RNF220: variants seen among roughly 807,000 people sequenced by gnomAD.
The protein encoded by RNF220 is ring finger protein 220.
A neutral mutation model predicts 67.1 loss-of-function variants in RNF220; 7 were observed. That is an observed-to-expected ratio of 0.10 (90% CI 0.06 to 0.20). The LOEUF (loss-of-function observed/expected upper bound fraction) is 0.20, where lower values mean the gene tolerates loss of function less well. Ranked by LOEUF, RNF220 falls within the 10% of genes least tolerant of loss-of-function variation. The probability of loss-of-function intolerance (pLI) is 1.00; values close to 1 mark genes in which losing one functional copy is unlikely to be tolerated. For synonymous variants in RNF220, 270 were observed against 283.2 expected (o/e 0.95, Z 0.47); for missense variants, 565 against 740.3 (o/e 0.76, Z 2.75).
chr1:44,587,649 C>T lies in RNF220; in HGVS notation c.626-26516C>T, dbSNP rs547082967. 3.3e-5 allele frequency among the ~76,000 whole-genome samples: 5 copies of T among 152,248 alleles called. No individual in the cohort carries two copies. The South Asian group carries it at 1.0e-3, about 32-fold the overall frequency. ...TCTCTGGTGGTATTAGTTTCCCTGGCCAACAGACAGGCATCAGGGTTCTCT... is the reference window on the plus strand; with the variant it reads ...TCTCTGGTGGTATTAGTTTCCCTGGTCAACAGACAGGCATCAGGGTTCTCT... On this transcript the variant is annotated intron_variant, in intron 2 of 14. Coordinates refer to ENST00000361799, the MANE Select transcript of RNF220 (RefSeq NM_018150.4).
chr1:44,506,621 G>A (rs1658452935), intron 2 of RNF220, among the ~76,000 whole-genome samples: 1 of 152,236 alleles, frequency 6.6e-6, no homozygotes, highest in African/African-American at 2.4e-5. Flanking sequence ...CTTCCCTGTA[G>A]CAGAAAGCAG....
At chr1:44,501,931 C>CT (rs1371258931) in intron 2 of RNF220, among the ~76,000 whole-genome samples, 4 of 152,074 alleles carry the variant, frequency 2.6e-5, no homozygotes, top group African/African-American at 9.7e-5. Flanking sequence ...ACTGCTTTCT[C>CT]AATGTTGGGA....
intron 2 of RNF220, among the ~76,000 whole-genome samples, chr1:44,591,558 C>G (rs1666115151): frequency 6.6e-6 from 1 of 152,202 alleles, no homozygotes; most frequent in Non-Finnish European, 1.5e-5. Flanking sequence ...TTGTGCTGGG[C>G]CAGTCCCTGG....
intron 2 of RNF220, among the ~76,000 whole-genome samples, chr1:44,552,979 G>A (rs1278111169): frequency 1.3e-5 from 2 of 152,152 alleles, no homozygotes; most frequent in Non-Finnish European, 2.9e-5. Flanking sequence ...CAGCCGTGCT[G>A]AGTTACTTTC....
At chr1:44,406,333 ACTC>A (rs1393580906) in intron 1 of RNF220, among the ~76,000 whole-genome samples, 1 of 151,452 alleles carries the variant, frequency 6.6e-6, no homozygotes, top group African/African-American at 2.4e-5. Context: ...TAAACTCCCC[ACTC>A]CTCTGGGCTG....
chr1:44,458,859 A>C (rs1017875992), intron 2 of RNF220, among the ~76,000 whole-genome samples: 1 of 152,244 alleles, frequency 6.6e-6, no homozygotes, highest in African/African-American at 2.4e-5. Context: ...CATTCAGAGC[A>C]CTGTGTCCAT....
chr1:44,588,604 T>C (rs1665881383), intron 2 of RNF220, among the ~76,000 whole-genome samples: 1 of 149,748 alleles, frequency 6.7e-6, no homozygotes, highest in Non-Finnish European at 1.5e-5. Context: ...CAAATCCAAA[T>C]AGATATAATT....
intron 2 of RNF220, among the ~76,000 whole-genome samples, chr1:44,424,631 A>T (rs554807856): frequency 3.1e-4 from 47 of 152,208 alleles, no homozygotes; most frequent in Admixed American, 1.3e-3. Flanking sequence ...TCTGCTCACA[A>T]ACAGTACCTT....
At chr1:44,636,615 C>A in intron 8 of RNF220, 1 of 597,616 alleles carries the variant, frequency 1.7e-6, no homozygotes, top group East Asian at 2.8e-5. Flanking sequence ...CCTCTTCAGC[C>A]CTATGTCAGG....
At chr1:44,521,457 G>T (rs1332719243) in intron 2 of RNF220, among the ~76,000 whole-genome samples, 1 of 152,146 alleles carries the variant, frequency 6.6e-6, no homozygotes, top group Non-Finnish European at 1.5e-5. Context: ...AGAGTCCAAT[G>T]GAGACCTCAC....
At chr1:44,416,954 T>G (rs1246699910) in intron 2 of RNF220, among the ~76,000 whole-genome samples, 1 of 152,024 alleles carries the variant, frequency 6.6e-6, no homozygotes, top group Non-Finnish European at 1.5e-5. Flanking sequence ...TCAAATCAGC[T>G]GAGCCCACCT....
intron 2 of RNF220, among the ~76,000 whole-genome samples, chr1:44,445,326 T>C (rs1026923198): frequency 3.9e-5 from 6 of 152,206 alleles, no homozygotes; most frequent in Admixed American, 1.3e-4. Context: ...TCAAACACTT[T>C]GATTCCATCG....
chr1:44,612,496 C>T (rs905058109), intron 2 of RNF220, among the ~76,000 whole-genome samples: 3 of 152,190 alleles, frequency 2.0e-5, no homozygotes, highest in South Asian at 2.1e-4. Flanking sequence ...ATTCCTCCTT[C>T]GTTTTAGCCC....
intron 2 of RNF220, among the ~76,000 whole-genome samples, chr1:44,594,541 G>C (rs1666342030): frequency 6.6e-6 from 1 of 152,182 alleles, no homozygotes; most frequent in African/African-American, 2.4e-5. Context: ...CCTTTGTCTG[G>C]AGCAATGCCT....
intron 2 of RNF220, among the ~76,000 whole-genome samples, chr1:44,513,283 G>A (rs1659174744): frequency 6.6e-6 from 1 of 152,240 alleles, no homozygotes; most frequent in South Asian, 2.1e-4. Flanking sequence ...CAAGTGGCAA[G>A]GCCCAGGGTG....
intron 2 of RNF220, among the ~76,000 whole-genome samples, chr1:44,452,441 C>CT (rs768741500): frequency 1.1e-4 from 17 of 152,092 alleles, no homozygotes; most frequent in Non-Finnish European, 1.9e-4. Context: ...GTAATCTCAG[C>CT]TACTCAGGAG....
intron 2 of RNF220, among the ~76,000 whole-genome samples, chr1:44,432,361 C>T (rs868164081): frequency 6.8e-6 from 1 of 147,718 alleles, no homozygotes; most frequent in Non-Finnish European, 1.5e-5. Flanking sequence ...ACCTCCACCC[C>T]CCAGGTTCAA....
intron 2 of RNF220, among the ~76,000 whole-genome samples, chr1:44,489,723 A>G (rs997720089): frequency 1.3e-5 from 2 of 152,260 alleles, no homozygotes; most frequent in Non-Finnish European, 2.9e-5. Context: ...CATTGAGGCC[A>G]GGGAGAAGTC....
chr1:44,457,283 A>G (rs981970857), intron 2 of RNF220, among the ~76,000 whole-genome samples: 3 of 152,214 alleles, frequency 2.0e-5, no homozygotes, highest in Non-Finnish European at 4.4e-5. Context: ...CAATAGGGAA[A>G]CATCATTTTA....
Sources: gnomAD v4.1 joint callset for allele counts (sites outside exome capture counted in the v4.1 genomes callset) on GRCh38, gnomAD v4.1.1 for gene constraint, MANE v1.5 for transcripts, NCBI Gene and HGNC (gene_info 2026-07-23, HGNC 2026-07-21) for gene names.